The following TSR1 variants were observed in gnomAD, a reference collection of about 807,000 sequenced individuals.
TSR1 encodes TSR1 ribosome maturation factor, also known as pre-rRNA-processing protein TSR1 homolog.
A neutral mutation model predicts 90.9 loss-of-function variants in TSR1; 81 were observed. The ratio of observed to expected loss-of-function variants is 0.89; its 90% CI spans 0.74 to 1.07. TSR1 has a LOEUF of 1.07. Ranked by LOEUF, TSR1 falls within the 50% of genes least tolerant of loss-of-function variation. The probability of loss-of-function intolerance (pLI) is 0.00; values close to 1 mark genes in which losing one functional copy is unlikely to be tolerated. For missense variants in TSR1, 989 were observed against 987.3 expected (o/e 1.00, Z -0.02); for synonymous variants, 362 against 348.8 (o/e 1.04, Z -0.42).
chr17:2,334,976 T>C (rs2064041160), intron 4 of TSR1, 80 bp from the exon 5 acceptor site: 3 of 1,449,546 alleles, frequency 2.1e-6, no homozygotes, highest in Admixed American at 2.0e-5. Context: ...AACAACCTAA[T>C]AGCTCAGTTG....
intron 11 of TSR1, among the ~76,000 whole-genome samples, chr17:2,327,691 T>TA (rs1027320860): frequency 6.6e-6 from 1 of 152,122 alleles, no homozygotes; most frequent in Non-Finnish European, 1.5e-5. Flanking sequence ...AATAAAGCAT[T>TA]AAAAGTCTCA....
At chr17:2,333,359 A>T in intron 6 of TSR1, 198 bp downstream of exon 6, 1 of 877,180 alleles carries the variant, frequency 1.1e-6, no homozygotes, top group Non-Finnish European at 1.8e-6. Flanking sequence ...ATAAAACATT[A>T]ACACAAGTAA....
At chr17:2,331,297 C>A (rs1381789857) in intron 8 of TSR1, among the ~76,000 whole-genome samples, 188 bp from the exon 9 acceptor site, 3 of 152,190 alleles carry the variant, frequency 2.0e-5, no homozygotes, top group Non-Finnish European at 2.9e-5. Context: ...CGGAACCAAA[C>A]CCAAGCTTCT....
rs1046885558 is a variant in TSR1, at chr17:2,323,224, C to T, written c.*972G>A. On this transcript the variant is annotated 3_prime_UTR_variant, in exon 15 of 15. Transcript: ENST00000301364. ...TCCAAGCTGAAGGGGAAACTGATGC[C>T]CAATCTTTATCCTCCAGAAACCATA... 1.2e-6 allele frequency: 2 copies of T among 1,614,046 alleles called. No homozygotes were observed. The highest frequency in any genetic ancestry group is 1.3e-5 in the African/African-American group (1 of 74,896).
rs530299555 is a variant in TSR1 at position 2,323,422 on chromosome 17, C to A, written c.*774G>T. 66 of 1,539,726 alleles carry A rather than the reference C, an allele frequency of 4.3e-5. 2 individuals carry two copies. The South Asian group carries it at 7.4e-4, about 17-fold the overall frequency. On this transcript the variant is annotated 3_prime_UTR_variant, in exon 15 of 15. Transcript: ENST00000301364. ...CAGAAGAAACTTCCCTTAGGAGTAGCAAGTGACCCACGGGAACCTGACTAG... is the reference window on the plus strand; with the variant it reads ...CAGAAGAAACTTCCCTTAGGAGTAGAAAGTGACCCACGGGAACCTGACTAG...
Position 2,324,380 on chromosome 17 carries a change from A to G in TSR1, c.2237-6T>C, listed in dbSNP as rs1457926001. ...TTTCATGTGGCCATGGGTACCTAGAAAGACATCAGAACAAGTCGGTCAAAT... is the reference window on the plus strand; with the variant it reads ...TTTCATGTGGCCATGGGTACCTAGAGAGACATCAGAACAAGTCGGTCAAAT... On this transcript the variant is annotated splice_polypyrimidine_tract_variant and splice_region_variant and intron_variant, in intron 14 of 14. Transcript: ENST00000301364. 5 of 1,577,746 alleles carry G rather than the reference A, an allele frequency of 3.2e-6. No homozygotes were observed. The South Asian group carries it at 4.8e-5, about 15-fold the overall frequency.
chr17:2,329,750 C>T (rs1488429673), intron 10 of TSR1, among the ~76,000 whole-genome samples: 1 of 152,104 alleles, frequency 6.6e-6, no homozygotes, highest in Non-Finnish European at 1.5e-5. Context: ...ACATCTGCCA[C>T]ACAAAAATCA....
chr17:2,324,978 C>T (rs1329571501), intron 12 of TSR1, 149 bp from the exon 13 acceptor site: 1 of 810,070 alleles, frequency 1.2e-6, no homozygotes, highest in Non-Finnish European at 1.9e-6. Context: ...ACTGTAAGCC[C>T]ACACTTAACC....
chr17:2,328,832 T>C (rs1597275842), intron 11 of TSR1, among the ~76,000 whole-genome samples: 1 of 131,374 alleles, frequency 7.6e-6, no homozygotes, highest in South Asian at 2.3e-4. Context: ...AGGAAAATGG[T>C]GTAAGTAAAC....
At chr17:2,329,574 C>T in intron 10 of TSR1, 99 bp from the exon 11 acceptor site, 1 of 1,407,772 alleles carries the variant, frequency 7.1e-7, no homozygotes. Context: ...CAGACTCATT[C>T]TAAGAACTGA....
intron 10 of TSR1, 131 bp from the exon 11 acceptor site, chr17:2,329,606 T>C: frequency 1.2e-5 from 13 of 1,122,770 alleles, no homozygotes; most frequent in Non-Finnish European, 1.6e-5. Context: ...AATGGTGGAG[T>C]GTAGATGCTG....
chr17:2,333,973 TTTC>T (rs1278605484), intron 5 of TSR1, among the ~76,000 whole-genome samples: 1 of 152,148 alleles, frequency 6.6e-6, no homozygotes, highest in African/African-American at 2.4e-5. Context: ...ATCAAGCTGA[TTTC>T]TTCAAGGTTC....
intron 11 of TSR1, among the ~76,000 whole-genome samples, chr17:2,325,794 G>C (rs1249186081): frequency 1.3e-5 from 2 of 151,950 alleles, no homozygotes; most frequent in East Asian, 3.8e-4. Flanking sequence ...TGTATTTTTA[G>C]TAGAGACCGG....
At chr17:2,333,812 TATAAG>T (rs1419386921) in intron 5 of TSR1, 96 bp from the exon 6 acceptor site, 2 of 1,474,640 alleles carry the variant, frequency 1.4e-6, no homozygotes, top group African/African-American at 2.8e-5. Flanking sequence ...AGTCCTCATG[TATAAG>T]ATGAGTGCGA....
chr17:2,336,380 A>T lies in TSR1; in HGVS notation c.48T>A (p.His16Gln). 1 of 1,613,528 alleles carries T rather than the reference A, an allele frequency of 6.2e-7. No homozygotes were observed. The highest frequency in any genetic ancestry group is 8.5e-7 in the Non-Finnish European group (1 of 1,180,026). Residue 16 changes from histidine (H) to glutamine (Q), a missense_variant, in exon 1 of 15, where the codon CAT becomes CAA. By Grantham distance (24) the His-to-Gln change is conservative. Transcript: ENST00000301364. ...CCCGACCCCGATGCCGTCCGCCTTT[A>T]TGAGCTTTATTCTGCTGCTTGAGCG... is the stretch of plus-strand genomic sequence containing the variant. ...PGPLKQQNKA[H>Q]KGGRHRGRGS...
At chr17:2,331,729 C>T (rs373274039) in intron 8 of TSR1, among the ~76,000 whole-genome samples, 6 of 152,102 alleles carry the variant, frequency 3.9e-5, no homozygotes, top group Non-Finnish European at 7.4e-5. Flanking sequence ...TATAGCCATG[C>T]GAGAATGGCC....
chr17:2,334,967 A>C, intron 4 of TSR1, 71 bp from the exon 5 acceptor site: 1 of 1,489,976 alleles, frequency 6.7e-7, no homozygotes, highest in Non-Finnish European at 9.0e-7. Context: ...CAGTTCACAA[A>C]CAACCTAATA....
intron 4 of TSR1, 123 bp from the exon 5 acceptor site, chr17:2,335,019 G>A (rs2064041897): frequency 1.7e-6 from 2 of 1,145,544 alleles, no homozygotes; most frequent in East Asian, 2.5e-5. Flanking sequence ...GCCCAACACT[G>A]AACTACCCTG....
Position 2,335,719 on chromosome 17 carries a change from C to T in TSR1, c.213G>A (p.Glu71=). The T allele has an allele frequency of 6.2e-7, 1 of 1,613,108 alleles. No homozygotes were observed. The change falls in exon 3 of 15, where the codon GAG becomes GAA. Residue 71 remains glutamate, a synonymous_variant. Coordinates refer to ENST00000301364, the MANE Select transcript of TSR1 (RefSeq NM_018128.5). The part of the protein sequence containing the change: ...RKQKKEAVLA[E]KRQLGGKDGP... ...CATCCTTGCCACCCAGCTGTCTCTTCTCTGCCAGAACCTGAAAATAGAAAG... is the reference window on the plus strand; with the variant it reads ...CATCCTTGCCACCCAGCTGTCTCTTTTCTGCCAGAACCTGAAAATAGAAAG...
Sources: gnomAD v4.1 joint callset for allele counts (sites outside exome capture counted in the v4.1 genomes callset) on GRCh38, gnomAD v4.1.1 for gene constraint, MANE v1.5 for transcripts, NCBI Gene and HGNC (gene_info 2026-07-23, HGNC 2026-07-21) for gene names.